The following SSX2IP variants were observed in gnomAD, a reference collection of about 807,000 sequenced individuals.
The protein encoded by SSX2IP is afadin- and alpha-actinin-binding protein.
SSX2IP carries 55 observed loss-of-function variants against 84.9 expected under a neutral mutation model. The ratio of observed to expected loss-of-function variants is 0.65; its 90% CI spans 0.52 to 0.81. The LOEUF (loss-of-function observed/expected upper bound fraction) is 0.81. Among genes scored for constraint, SSX2IP ranks in the 30% least tolerant of loss-of-function variants. The pLI is 0.00. For missense variants in SSX2IP, 664 were observed against 705.2 expected, an observed-to-expected ratio of 0.94 and a Z score of 0.66; for synonymous variants, 239 against 234.7, an observed-to-expected ratio of 1.02 and a Z score of -0.17.
In SSX2IP at chr1:84,654,874, A is replaced by C. The variant is rs946998763; in HGVS notation, c.1389+958T>G. Among the ~76,000 whole-genome samples, 4 of 152,202 alleles carry C rather than the reference A, an allele frequency of 2.6e-5. No individual in the cohort carries two copies. The East Asian group carries it at 7.7e-4, about 29-fold the overall frequency. ...ATAACAATGAAAAATAATATCACAA[A>C]AATTGCAAAGTAGTACAGCAAGAGA... On this transcript the variant is annotated intron_variant, in intron 11 of 13. Transcript: ENST00000342203.
At chr1:84,684,738 A>T (rs1390004162) in intron 1 of SSX2IP, among the ~76,000 whole-genome samples, 1 of 152,196 alleles carries the variant, frequency 6.6e-6, no homozygotes, top group Admixed American at 6.5e-5. Flanking sequence ...CCAACAGGAG[A>T]ATGGATAAAT....
intron 1 of SSX2IP, among the ~76,000 whole-genome samples, chr1:84,671,633 AAATAC>A (rs1200152153): frequency 6.6e-6 from 1 of 152,194 alleles, no homozygotes; most frequent in Non-Finnish European, 1.5e-5. Context: ...CTCTAAAATA[AAATAC>A]AATTATATAG....
At chr1:84,671,049 A>C (rs1023843965) in intron 2 of SSX2IP, 128 bp downstream of exon 2, 1 of 1,163,814 alleles carries the variant, frequency 8.6e-7, no homozygotes, top group South Asian at 1.8e-5. Context: ...CATGAAAATA[A>C]GTATTTTACA....
At chr1:84,674,457 A>T (rs1654021303) in intron 1 of SSX2IP, among the ~76,000 whole-genome samples, 1 of 152,156 alleles carries the variant, frequency 6.6e-6, no homozygotes, top group Non-Finnish European at 1.5e-5. Flanking sequence ...CTAATTTCAT[A>T]ATCAACTGGT....
At position 84,647,292 on chromosome 1, in the gene SSX2IP, TG is replaced by T. The variant is rs1649562601; in HGVS notation, c.*140del. On this transcript the variant is annotated 3_prime_UTR_variant, in exon 14 of 14. Coordinates refer to ENST00000342203, the MANE Select transcript of SSX2IP (RefSeq NM_001166293.2). ...AAATAGATTTAAGATTTCAACTCTTTGGGGGAAGACAGGGAAGTCCAAACAA... is the reference window on the plus strand; with the variant it reads ...AAATAGATTTAAGATTTCAACTCTTTGGGGAAGACAGGGAAGTCCAAACAA... 7 of 626,314 alleles carry T rather than the reference TG, an allele frequency of 1.1e-5. No homozygotes were observed. The highest frequency in any genetic ancestry group is 1.8e-5 in the Non-Finnish European group (7 of 389,120). 38.8% of individuals were successfully genotyped at this position (626,314 alleles called of 1,614,324 possible).
In SSX2IP at chr1:84,655,386, T is replaced by C. The variant is rs74098423; in HGVS notation, c.1389+446A>G. 6,819 of 1,226,816 alleles carry C rather than the reference T, an allele frequency of 5.6e-3. 325 individuals are homozygous for C. The African/African-American group carries it at 0.096, about 17-fold the overall frequency. The allele number at this position is 1,226,816 out of a possible 1,614,324, so 76.0% of individuals were successfully genotyped here. On this transcript the variant is annotated intron_variant, in intron 11 of 13. Coordinates refer to ENST00000342203, the MANE Select transcript of SSX2IP (RefSeq NM_001166293.2). ...AATATGTAGATGACACATTGCTAAG[T>C]AAAAAAAGCAAGCTGTAGAGCGTAT... is the stretch of plus-strand genomic sequence containing the variant.
intron 1 of SSX2IP, among the ~76,000 whole-genome samples, chr1:84,677,062 T>A (rs1489064320): frequency 6.6e-6 from 1 of 152,180 alleles, no homozygotes; most frequent in Non-Finnish European, 1.5e-5. Context: ...TTCAACTTTG[T>A]ACACATAAAT....
chr1:84,645,564 AAGAGATTTACTTTAAAAATT>A lies in SSX2IP; in HGVS notation c.*1849_*1868del. The A allele has an allele frequency of 6.6e-6, 1 of 152,356 alleles. No individual in the cohort carries two copies. The highest frequency in any genetic ancestry group is 2.1e-4 in the South Asian group (1 of 4,826). The allele number at this position is 152,356 out of a possible 1,614,324, so 9.4% of individuals were successfully genotyped here. A position where few individuals can be genotyped will look rare whatever the true frequency, so the allele number is the denominator to read the frequency against. ...CATGAAATATAATATTTGCTAAAAT[AAGAGATTTACTTTAAAAATT>A]AGAGTGCTTATTTCTTGCAAAGTAC... On this transcript the variant is annotated 3_prime_UTR_variant, in exon 14 of 14. Transcript: ENST00000342203.
At chr1:84,664,004 A>G (rs1652411561) in intron 6 of SSX2IP, among the ~76,000 whole-genome samples, 1 of 152,220 alleles carries the variant, frequency 6.6e-6, no homozygotes, top group Non-Finnish European at 1.5e-5. Context: ...ATGTACAGCT[A>G]AACTTATTTA....
chr1:84,657,300 T>TA (rs924863568), intron 9 of SSX2IP, among the ~76,000 whole-genome samples: 1 of 151,820 alleles, frequency 6.6e-6, no homozygotes, highest in Admixed American at 6.6e-5. Flanking sequence ...TTTTAAAATT[T>TA]AAAAAAAAGT....
intron 8 of SSX2IP, among the ~76,000 whole-genome samples, chr1:84,661,213 A>G (rs2102317828): frequency 6.6e-6 from 1 of 152,276 alleles, no homozygotes; most frequent in African/African-American, 2.4e-5. Flanking sequence ...TTTAAAAAAC[A>G]AGTTCTGGTA....
chr1:84,660,966 T>C (rs552215580), intron 8 of SSX2IP, among the ~76,000 whole-genome samples: 117 of 147,168 alleles, frequency 8.0e-4, no homozygotes, highest in African/African-American at 2.8e-3. Flanking sequence ...ACTCAGGAGG[T>C]TGAGGCAGAG....
intron 1 of SSX2IP, among the ~76,000 whole-genome samples, chr1:84,672,959 G>C (rs773392775): frequency 2.0e-5 from 3 of 152,140 alleles, no homozygotes; most frequent in Non-Finnish European, 4.4e-5. Flanking sequence ...CGGGAGGCAA[G>C]GTTACACTGA....
At chr1:84,677,258 AAACAATAGCTTTGT>A (rs1176207757) in intron 1 of SSX2IP, among the ~76,000 whole-genome samples, 1 of 152,192 alleles carries the variant, frequency 6.6e-6, no homozygotes, top group African/African-American at 2.4e-5. Flanking sequence ...GCTTGGCCAC[AAACAATAGCTTTGT>A]TCTTGTTTAT....
intron 8 of SSX2IP, among the ~76,000 whole-genome samples, chr1:84,658,727 T>A (rs968251238): frequency 2.0e-5 from 3 of 152,228 alleles, no homozygotes; most frequent in Non-Finnish European, 4.4e-5. Context: ...GAAGGAGATA[T>A]CACTACCTGT....
chr1:84,649,974 C>A (rs1191143644), intron 13 of SSX2IP: 3 of 582,148 alleles, frequency 5.2e-6, no homozygotes, highest in Non-Finnish European at 9.9e-6. Flanking sequence ...AATGGGCATG[C>A]CGGAAAAAAG....
chr1:84,680,472 T>G (rs1654922578), intron 1 of SSX2IP: 1 of 152,104 alleles, frequency 6.6e-6, no homozygotes, highest in African/African-American at 2.4e-5. Context: ...TTTAATAATT[T>G]TATTAAATAA....
chr1:84,683,616 G>C (rs1038438920), intron 1 of SSX2IP, among the ~76,000 whole-genome samples: 1 of 152,074 alleles, frequency 6.6e-6, no homozygotes, highest in Non-Finnish European at 1.5e-5. Flanking sequence ...ACCCCACTTC[G>C]GTAACAGGCA....
At chr1:84,688,604 A>G (rs970843313) in intron 1 of SSX2IP, among the ~76,000 whole-genome samples, 1 of 152,242 alleles carries the variant, frequency 6.6e-6, no homozygotes, top group Non-Finnish European at 1.5e-5. Flanking sequence ...AAGTACTAGG[A>G]GATCCCAAGT....
Sources: gnomAD v4.1 joint callset for allele counts (sites outside exome capture counted in the v4.1 genomes callset) on GRCh38, gnomAD v4.1.1 for gene constraint, MANE v1.5 for transcripts, NCBI Gene and HGNC (gene_info 2026-07-23, HGNC 2026-07-21) for gene names.